ALK: variants seen among roughly 807,000 people sequenced by gnomAD.
The protein encoded by ALK is ALK receptor tyrosine kinase.
Under a neutral mutation model 163.1 loss-of-function variants are expected in ALK, and 74 were observed. That is an observed-to-expected ratio of 0.45 (90% CI 0.38 to 0.55). The LOEUF (loss-of-function observed/expected upper bound fraction) is 0.55, where lower values mean the gene tolerates loss of function less well. ALK is among the 20% of genes least tolerant of loss of function. ALK has a pLI of 0.00. For missense variants in ALK, 2,063 were observed against 2,105.3 expected (o/e 0.98, Z 0.39); for synonymous variants, 960 against 843.2 (o/e 1.14, Z -2.40).
rs572400626 is a variant in ALK, at chr2:29,462,795, T to G, written c.1154+69120A>C. Among the ~76,000 whole-genome samples, 96 of 152,314 alleles carry G rather than the reference T, an allele frequency of 6.3e-4. 1 individual carries two copies. The highest frequency in any genetic ancestry group is 2.1e-3 in the African/African-American group (87 of 41,576). On this transcript the variant is annotated intron_variant, in intron 4 of 28. Transcript: ENST00000389048. ...GCAATGGCTCCTTTTTGCTACAATG[T>G]GTCCTTGAAAACAGTGTTATAAAGC...
At chr2:29,503,755 G>A (rs1490359917) in intron 4 of ALK, among the ~76,000 whole-genome samples, 3 of 152,084 alleles carry the variant, frequency 2.0e-5, no homozygotes, top group Non-Finnish European at 4.4e-5. Flanking sequence ...GTGGCAGAAG[G>A]AACACTGGAG....
intron 3 of ALK, among the ~76,000 whole-genome samples, chr2:29,661,027 G>A (rs1049111960): frequency 6.6e-6 from 1 of 152,118 alleles, no homozygotes; most frequent in Non-Finnish European, 1.5e-5. Flanking sequence ...CACTTACTCT[G>A]CTCCTCTCTG....
At chr2:29,308,765 G>A (rs149692865) in intron 8 of ALK, among the ~76,000 whole-genome samples, 38 of 152,282 alleles carry the variant, frequency 2.5e-4, no homozygotes, top group African/African-American at 7.7e-4. Flanking sequence ...CCAGCTTAGC[G>A]AAGACATTTG....
At chr2:29,901,369 G>A (rs1432309741) in intron 1 of ALK, among the ~76,000 whole-genome samples, 2 of 152,124 alleles carry the variant, frequency 1.3e-5, no homozygotes, top group African/African-American at 2.4e-5. Flanking sequence ...GGTAATTCTT[G>A]AGCATGTCTC....
In ALK at chr2:29,193,085, C is replaced by CT. The variant is rs1248960279; in HGVS notation, c.*138dup. 5.3e-6 allele frequency: 5 copies of CT among 937,002 alleles called. No homozygotes were observed. Among genetic ancestry groups the CT allele is most frequent in the Non-Finnish European group, 8.4e-6 (5 of 595,802 alleles). 58.0% of individuals were successfully genotyped at this position (937,002 alleles called of 1,614,324 possible). A position where few individuals can be genotyped will look rare whatever the true frequency, so the allele number is the denominator to read the frequency against. On this transcript the variant is annotated 3_prime_UTR_variant, in exon 29 of 29. Transcript: ENST00000389048. ...TTTCTAAAGCATTTTCAAAATACAG[C>CT]TTTTTTGGTGGTACTTCAAAATAGG...
chr2:29,861,464 A>G (rs1359682129), intron 1 of ALK, among the ~76,000 whole-genome samples: 3 of 152,212 alleles, frequency 2.0e-5, no homozygotes, highest in East Asian at 3.8e-4. Context: ...AATTAATACC[A>G]CAGAAATACA....
At chr2:29,399,181 G>T (rs1007240526) in intron 4 of ALK, among the ~76,000 whole-genome samples, 2 of 152,170 alleles carry the variant, frequency 1.3e-5, no homozygotes, top group Non-Finnish European at 2.9e-5. Context: ...TAATCTCTTA[G>T]GAGCTCTAAG....
At chr2:29,895,445 G>C (rs1667245307) in intron 1 of ALK, among the ~76,000 whole-genome samples, 1 of 152,248 alleles carries the variant, frequency 6.6e-6, no homozygotes, top group Non-Finnish European at 1.5e-5. Context: ...TTGGCAGAGA[G>C]ACAAGAATTG....
chr2:29,409,269 A>G (rs1215834372), intron 4 of ALK, among the ~76,000 whole-genome samples: 1 of 152,120 alleles, frequency 6.6e-6, no homozygotes, highest in Non-Finnish European at 1.5e-5. Context: ...CTTTTAGTGT[A>G]TTTACCCAGC....
At chr2:29,468,402 T>C (rs996872060) in intron 4 of ALK, among the ~76,000 whole-genome samples, 8 of 152,162 alleles carry the variant, frequency 5.3e-5, no homozygotes, top group African/African-American at 1.9e-4. Flanking sequence ...TGCTGAGCAC[T>C]TGGGAGATTA....
chr2:29,786,089 C>T (rs756146708), intron 1 of ALK, among the ~76,000 whole-genome samples: 3 of 152,256 alleles, frequency 2.0e-5, no homozygotes, highest in South Asian at 2.1e-4. Flanking sequence ...GAAGAAAAAA[C>T]GAGACTAAGG....
chr2:29,222,616 A>G lies in ALK; in HGVS notation c.3360-9T>C, dbSNP rs2148169472. 6.2e-7 allele frequency: 1 copy of G among 1,612,928 alleles called. No individual in the cohort carries two copies. The highest frequency in any genetic ancestry group is 1.1e-5 in the South Asian group (1 of 90,870). ...CGCCATGGCCCAGACCCCTGTGCAA[A>G]GGAGAAGACAAGAGGAGACAGAGTC... On this transcript the variant is annotated splice_polypyrimidine_tract_variant and intron_variant, in intron 20 of 28. Transcript: ENST00000389048.
intron 28 of ALK, among the ~76,000 whole-genome samples, chr2:29,195,898 C>T (rs2148140707): frequency 6.6e-6 from 1 of 152,280 alleles, no homozygotes; most frequent in African/African-American, 2.4e-5. Flanking sequence ...GTGATACTGG[C>T]AGCAAGGCTG....
At chr2:29,875,771 T>A (rs144812646) in intron 1 of ALK, among the ~76,000 whole-genome samples, 2 of 152,102 alleles carry the variant, frequency 1.3e-5, no homozygotes, top group South Asian at 2.1e-4. Flanking sequence ...CTCATTTTTT[T>A]ATGGCTGCAT....
intron 5 of ALK, among the ~76,000 whole-genome samples, chr2:29,381,337 A>C (rs1214797532): frequency 6.6e-6 from 1 of 152,284 alleles, no homozygotes; most frequent in Non-Finnish European, 1.5e-5. Context: ...GTCCATATCA[A>C]CTGAGATGAA....
intron 1 of ALK, among the ~76,000 whole-genome samples, chr2:29,726,570 A>G (rs1320363301): frequency 6.6e-6 from 1 of 152,208 alleles, no homozygotes. Flanking sequence ...AGAGGCTACA[A>G]ACTATCCAAG....
chr2:29,197,147 G>A (rs1365906513), intron 27 of ALK, among the ~76,000 whole-genome samples: 2 of 152,156 alleles, frequency 1.3e-5, no homozygotes, highest in Non-Finnish European at 2.9e-5. Flanking sequence ...TCCCATCCAC[G>A]TTGCTTGTGG....
intron 3 of ALK, among the ~76,000 whole-genome samples, chr2:29,559,768 C>CGTGTGTGTGTGTGTGTGT (rs56285031): frequency 5.6e-5 from 8 of 143,130 alleles, no homozygotes; most frequent in East Asian, 2.1e-4. Flanking sequence ...GGAGCATGTA[C>CGTGTGTGTGTGTGTGTGT]GTGTGTGTGT....
chr2:29,891,771 G>C (rs1250524301), intron 1 of ALK, among the ~76,000 whole-genome samples: 1 of 152,166 alleles, frequency 6.6e-6, no homozygotes, highest in African/African-American at 2.4e-5. Context: ...AGGAGCTGAA[G>C]GGGCTGATAA....
Sources: gnomAD v4.1 joint callset for allele counts (sites outside exome capture counted in the v4.1 genomes callset) on GRCh38, gnomAD v4.1.1 for gene constraint, MANE v1.5 for transcripts, NCBI Gene and HGNC (gene_info 2026-07-23, HGNC 2026-07-21) for gene names.